ZYG11B: variants seen among roughly 807,000 people sequenced by gnomAD.
ZYG11B encodes the protein protein zyg-11 homolog B.
In ZYG11B, 36 loss-of-function variants were observed where a neutral mutation model predicts 82.4. The ratio of observed to expected loss-of-function variants is 0.44; its 90% CI spans 0.33 to 0.58. The LOEUF (loss-of-function observed/expected upper bound fraction) is 0.58. ZYG11B is among the 20% of genes least tolerant of loss of function. The pLI, the probability that ZYG11B is intolerant of heterozygous loss-of-function variation, is 0.02. For missense variants in ZYG11B, 552 were observed against 895.6 expected, an observed-to-expected ratio of 0.62 and a Z score of 4.90; for synonymous variants, 303 against 312.8, an observed-to-expected ratio of 0.97 and a Z score of 0.33.
At chr1:52,783,781 C>A (rs1644877443) in intron 4 of ZYG11B, among the ~76,000 whole-genome samples, 1 of 65,790 alleles carries the variant, frequency 1.5e-5, no homozygotes, top group Admixed American at 2.0e-4. Flanking sequence ...TACTACCATG[C>A]CCAGCTTTAT....
chr1:52,814,421 A>G (rs938063677), intron 12 of ZYG11B, among the ~76,000 whole-genome samples: 2 of 152,268 alleles, frequency 1.3e-5, no homozygotes, highest in Non-Finnish European at 2.9e-5. Context: ...GACAAGTGCT[A>G]GGAATTTGTT....
chr1:52,817,044 C>T (rs371991889), intron 13 of ZYG11B, among the ~76,000 whole-genome samples: 10 of 151,842 alleles, frequency 6.6e-5, no homozygotes, highest in South Asian at 4.2e-4. Flanking sequence ...TCAGGTGATC[C>T]GCCCGCCTAA....
chr1:52,752,882 A>G (rs1372351342), intron 1 of ZYG11B, among the ~76,000 whole-genome samples: 2 of 151,134 alleles, frequency 1.3e-5, no homozygotes, highest in Non-Finnish European at 2.9e-5. Flanking sequence ...GAGTCTCGCT[A>G]TGTCGCCCAG....
intron 6 of ZYG11B, among the ~76,000 whole-genome samples, chr1:52,791,527 C>G (rs1463128478): frequency 6.6e-6 from 1 of 151,910 alleles, no homozygotes; most frequent in Non-Finnish European, 1.5e-5. Flanking sequence ...TGCCATCATA[C>G]CCGGCTAATT....
intron 4 of ZYG11B, among the ~76,000 whole-genome samples, chr1:52,783,882 A>ATGTACATACACGTGTG (rs74208826): frequency 1.3e-4 from 17 of 126,052 alleles, no homozygotes; most frequent in Non-Finnish European, 2.1e-4. Context: ...ACGTGTGTGT[A>ATGTACATACACGTGTG]TATGTACATA....
chr1:52,736,848 C>T (rs955181313), intron 1 of ZYG11B, among the ~76,000 whole-genome samples: 3 of 152,186 alleles, frequency 2.0e-5, no homozygotes, highest in Non-Finnish European at 2.9e-5. Flanking sequence ...TTTGGCCTCC[C>T]AGAGTGCTGG....
At chr1:52,782,032 A>G (rs943188811) in intron 4 of ZYG11B, among the ~76,000 whole-genome samples, 4 of 152,024 alleles carry the variant, frequency 2.6e-5, no homozygotes, top group Admixed American at 2.0e-4. Context: ...TGATTCAGAG[A>G]TAAATGGAAG....
intron 4 of ZYG11B, among the ~76,000 whole-genome samples, chr1:52,780,763 C>A (rs1446607855): frequency 6.6e-6 from 1 of 152,162 alleles, no homozygotes; most frequent in Non-Finnish European, 1.5e-5. Context: ...TACATCACAG[C>A]ACCTAGCTAT....
chr1:52,735,054 C>T (rs1420529713), intron 1 of ZYG11B, among the ~76,000 whole-genome samples: 5 of 136,080 alleles, frequency 3.7e-5, no homozygotes, highest in African/African-American at 1.4e-4. Context: ...TTTTTTGAGA[C>T]GGAGTTTCTC....
chr1:52,822,038 C>T lies in ZYG11B; in HGVS notation c.*409C>T, dbSNP rs12080630. 0.036 allele frequency: 5,676 copies of T among 156,890 alleles called. 326 individuals carry two copies. The highest frequency in any genetic ancestry group is 0.13 in the African/African-American group (5,327 of 41,722). 9.7% of individuals were successfully genotyped at this position (156,890 alleles called of 1,614,324 possible). A position where few individuals can be genotyped will look rare whatever the true frequency, so the allele number is the denominator to read the frequency against. Reference sequence around the variant, plus strand: ...CACTGCTTCAGTTGTAAATTTTATACTGCTTCTGTATAAAATGCCTTTCTT... The same window carrying T: ...CACTGCTTCAGTTGTAAATTTTATATTGCTTCTGTATAAAATGCCTTTCTT... On this transcript the variant is annotated 3_prime_UTR_variant, in exon 14 of 14. Transcript: ENST00000294353.
At chr1:52,812,840 C>T (rs1645195123) in intron 10 of ZYG11B, among the ~76,000 whole-genome samples, 1 of 151,850 alleles carries the variant, frequency 6.6e-6, no homozygotes, top group Admixed American at 6.6e-5. Flanking sequence ...GACTCTCGTG[C>T]CTCAGCCTCC....
chr1:52,803,087 CATATATATAT>C (rs1232248742), intron 10 of ZYG11B, among the ~76,000 whole-genome samples: 1,090 of 22,484 alleles, frequency 0.048, 51 homozygotes, highest in East Asian at 0.14. Context: ...TATATATACA[CATATATATAT>C]ACATATATAT....
At chr1:52,737,542 G>A (rs551683729) in intron 1 of ZYG11B, among the ~76,000 whole-genome samples, 1 of 152,162 alleles carries the variant, frequency 6.6e-6, no homozygotes, top group East Asian at 1.9e-4. Flanking sequence ...CGAGGCGGGC[G>A]GATCACCTGA....
intron 2 of ZYG11B, among the ~76,000 whole-genome samples, chr1:52,764,637 A>C (rs1644665307): frequency 6.6e-6 from 1 of 152,220 alleles, no homozygotes; most frequent in African/African-American, 2.4e-5. Flanking sequence ...ATGCAACATG[A>C]ATCTTGCTTT....
At chr1:52,756,211 C>A (rs1644575443) in intron 1 of ZYG11B, among the ~76,000 whole-genome samples, 1 of 152,152 alleles carries the variant, frequency 6.6e-6, no homozygotes, top group African/African-American at 2.4e-5. Context: ...TTACTTAATA[C>A]CCAGTGTGTC....
chr1:52,748,938 C>T lies in ZYG11B; in HGVS notation c.31-7520C>T, dbSNP rs1039552920. Among the ~76,000 whole-genome samples, 8 of 148,590 alleles carry T rather than the reference C, an allele frequency of 5.4e-5. No homozygotes were observed. The East Asian group carries it at 6.1e-4, about 11-fold the overall frequency. The stretch of plus-strand genomic sequence containing the variant: ...AAAAATGGCCGGGCGTGGTTGCTCA[C>T]GCCTGTAATCCCAGCACTTTGGGAG... On this transcript the variant is annotated intron_variant, in intron 1 of 13. Coordinates refer to ENST00000294353, the MANE Select transcript of ZYG11B (RefSeq NM_024646.3).
chr1:52,818,878 A>G (rs1265438658), intron 13 of ZYG11B, among the ~76,000 whole-genome samples: 1 of 149,418 alleles, frequency 6.7e-6, no homozygotes, highest in Non-Finnish European at 1.5e-5. Context: ...ACCACAACCT[A>G]CACCTCCCAG....
At chr1:52,759,576 C>A (rs1490131224) in intron 2 of ZYG11B, among the ~76,000 whole-genome samples, 3 of 152,116 alleles carry the variant, frequency 2.0e-5, no homozygotes, top group Admixed American at 6.6e-5. Flanking sequence ...AACTTGTTGT[C>A]CCTAATTGTG....
At chr1:52,776,815 A>G (rs1471777482) in intron 3 of ZYG11B, among the ~76,000 whole-genome samples, 1 of 152,126 alleles carries the variant, frequency 6.6e-6, no homozygotes. Flanking sequence ...ACTTTGAAAA[A>G]TTTTATTAAA....
Sources: gnomAD v4.1 joint callset for allele counts (sites outside exome capture counted in the v4.1 genomes callset) on GRCh38, gnomAD v4.1.1 for gene constraint, MANE v1.5 for transcripts, NCBI Gene and HGNC (gene_info 2026-07-23, HGNC 2026-07-21) for gene names.